The following XKR4 variants were observed in gnomAD, a reference collection of about 807,000 sequenced individuals.
XKR4 encodes the protein XK-related protein 4.
A neutral mutation model predicts 53.9 loss-of-function variants in XKR4; 12 were observed. The ratio of observed to expected loss-of-function variants is 0.22; its 90% CI spans 0.14 to 0.36. XKR4 has a LOEUF of 0.36. Ranked by LOEUF, XKR4 falls within the 10% of genes least tolerant of loss-of-function variation. The pLI is 1.00. For synonymous variants in XKR4, 354 were observed against 362.4 expected (o/e 0.98, Z 0.26); for missense variants, 799 against 859.5 (o/e 0.93, Z 0.88).
intron 1 of XKR4, among the ~76,000 whole-genome samples, chr8:55,347,403 A>G (rs533074898): frequency 1.3e-5 from 2 of 152,294 alleles, no homozygotes; most frequent in South Asian, 4.1e-4. Context: ...GTGGGGAGTT[A>G]TGCATGTGTG....
At chr8:55,387,697 A>G (rs2658942) in intron 2 of XKR4, among the ~76,000 whole-genome samples, 103,753 of 152,052 alleles carry the variant, frequency 0.68, 36,342 homozygotes, top group African/African-American at 0.85. Flanking sequence ...CTGCCTTGCT[A>G]CTACAAGTGG....
At chr8:55,373,011 A>G (rs1302271150) in intron 2 of XKR4, among the ~76,000 whole-genome samples, 1 of 152,176 alleles carries the variant, frequency 6.6e-6, no homozygotes, top group Non-Finnish European at 1.5e-5. Context: ...AAAGCTCACA[A>G]TGAGCCCTGA....
rs764052882 is a variant in XKR4, at chr8:55,524,102, C to T, written c.1828C>T (p.His610Tyr). The change falls in exon 3 of 3, where the codon CAT (histidine) becomes TAT (tyrosine). Residue 610 changes from histidine (H) to tyrosine (Y), a missense_variant. Around this residue, in one of 3 missense-constraint regions of XKR4, gnomAD observed 269 missense variants for 264.4 expected, o/e 1.02. Coordinates refer to ENST00000327381, the MANE Select transcript of XKR4 (RefSeq NM_052898.2). The stretch of plus-strand genomic sequence containing the variant: ...GAATAGGTACCCAGCATGGGAGAGA[C>T]ATGTTTTGGACCGAAGCCTCCGAAA... Reference protein sequence around the residue: ...FRNRYPAWERHVLDRSLRKAI... With the variant: ...FRNRYPAWERYVLDRSLRKAI... 1 of 1,614,204 alleles carries T rather than the reference C, an allele frequency of 6.2e-7. No homozygotes were observed.
chr8:55,328,240 T>C (rs1803324449), intron 1 of XKR4, among the ~76,000 whole-genome samples: 1 of 152,136 alleles, frequency 6.6e-6, no homozygotes, highest in South Asian at 2.1e-4. Flanking sequence ...ACCATATCAC[T>C]ATTGATTGAA....
At chr8:55,306,924 G>A in intron 1 of XKR4, among the ~76,000 whole-genome samples, 1 of 145,566 alleles carries the variant, frequency 6.9e-6, no homozygotes, top group Non-Finnish European at 1.5e-5. Flanking sequence ...AGAGCAATTG[G>A]ACATCCATAT....
intron 1 of XKR4, among the ~76,000 whole-genome samples, chr8:55,335,473 T>A (rs928762379): frequency 6.6e-6 from 1 of 152,176 alleles, no homozygotes; most frequent in East Asian, 1.9e-4. Context: ...TAATAAAAAA[T>A]GCATGCCAAT....
At chr8:55,263,498 A>G (rs569370182) in intron 1 of XKR4, among the ~76,000 whole-genome samples, 15 of 152,338 alleles carry the variant, frequency 9.8e-5, no homozygotes, top group African/African-American at 3.6e-4. Context: ...AAAGGCAGAA[A>G]TAAATACAAA....
At chr8:55,222,868 C>G (rs1817900385) in intron 1 of XKR4, among the ~76,000 whole-genome samples, 1 of 152,016 alleles carries the variant, frequency 6.6e-6, no homozygotes, top group Non-Finnish European at 1.5e-5. Flanking sequence ...GTCATTCACA[C>G]CACAGAAAGG....
At chr8:55,132,655 C>T (rs1816573809) in intron 1 of XKR4, among the ~76,000 whole-genome samples, 1 of 152,092 alleles carries the variant, frequency 6.6e-6, no homozygotes, top group Admixed American at 6.5e-5. Context: ...GCACTAGAAT[C>T]CCGTGTCAGA....
rs529742894 is a variant in XKR4, at chr8:55,463,026, C to T, written c.1007-60255C>T. Among the ~76,000 whole-genome samples, 141 of 152,104 alleles carry T rather than the reference C, an allele frequency of 9.3e-4. 1 individual carries two copies. Among genetic ancestry groups the T allele is most frequent in the African/African-American group, 3.0e-3 (126 of 41,498 alleles). On this transcript the variant is annotated intron_variant, in intron 2 of 2. Coordinates refer to ENST00000327381, the MANE Select transcript of XKR4 (RefSeq NM_052898.2). ...CTTACACTCCCACACTATAATAATG[C>T]GAGACTTTAACACCCCACTGTCAAC...
At chr8:55,146,304 T>C (rs1816772796) in intron 1 of XKR4, among the ~76,000 whole-genome samples, 1 of 152,206 alleles carries the variant, frequency 6.6e-6, no homozygotes, top group Non-Finnish European at 1.5e-5. Context: ...TGTTCAGAGT[T>C]GGGGACAAGA....
chr8:55,453,105 A>C, intron 2 of XKR4: 2 of 544,814 alleles, frequency 3.7e-6, no homozygotes, highest in Admixed American at 4.1e-5. Flanking sequence ...GGACCCAGAT[A>C]TGAGTCTGCA....
intron 2 of XKR4, among the ~76,000 whole-genome samples, chr8:55,515,042 G>A (rs1806689768): frequency 6.6e-6 from 1 of 152,152 alleles, no homozygotes; most frequent in Admixed American, 6.5e-5. Flanking sequence ...TTCCATATTT[G>A]TCAAGAAGGA....
chr8:55,289,556 GGAAGGAAGGA>G, intron 1 of XKR4, among the ~76,000 whole-genome samples: 1 of 109,462 alleles, frequency 9.1e-6, no homozygotes, highest in Non-Finnish European at 1.8e-5. Context: ...AAGGAAGGAA[GGAAGGAAGGA>G]AGGAGAGAGA....
intron 1 of XKR4, among the ~76,000 whole-genome samples, chr8:55,336,203 G>A (rs1803459170): frequency 6.6e-6 from 1 of 152,024 alleles, no homozygotes; most frequent in South Asian, 2.1e-4. Flanking sequence ...ATGGGGGCGG[G>A]TCTTTTCTGG....
chr8:55,423,649 C>A (rs1246137849), intron 2 of XKR4, among the ~76,000 whole-genome samples: 1 of 152,194 alleles, frequency 6.6e-6, no homozygotes, highest in African/African-American at 2.4e-5. Flanking sequence ...TATGTTATTT[C>A]TTGCTGACTA....
intron 2 of XKR4, among the ~76,000 whole-genome samples, chr8:55,379,159 G>T (rs1426481643): frequency 1.3e-5 from 2 of 152,102 alleles, no homozygotes; most frequent in African/African-American, 4.8e-5. Flanking sequence ...TATCCTGCTG[G>T]TGGCCGGGAA....
chr8:55,452,046 GA>G, intron 2 of XKR4: 1 of 731,008 alleles, frequency 1.4e-6, no homozygotes, highest in East Asian at 2.5e-5. Flanking sequence ...GGTTCTGAGG[GA>G]AGGACCCTTG....
intron 2 of XKR4, among the ~76,000 whole-genome samples, chr8:55,459,867 T>C (rs1321273060): frequency 1.3e-5 from 2 of 151,362 alleles, no homozygotes; most frequent in African/African-American, 4.9e-5. Flanking sequence ...TTTGATGGGG[T>C]TTTTTAAAGT....
Sources: allele counts gnomAD v4.1 joint callset (sites outside exome capture counted in the v4.1 genomes callset), GRCh38; gene constraint gnomAD v4.1.1; regional missense constraint gnomAD v4.1.1; transcripts MANE v1.5; gene names NCBI Gene and HGNC (gene_info 2026-07-23, HGNC 2026-07-21).